Variants in RUFY3 observed in about 807,000 individuals in gnomAD.
RUFY3 encodes protein RUFY3.
Under a neutral mutation model 84.0 loss-of-function variants are expected in RUFY3, and 34 were observed. That is an observed-to-expected ratio of 0.40 (90% CI 0.31 to 0.54). The LOEUF is 0.54. Among genes scored for constraint, RUFY3 ranks in the 20% least tolerant of loss-of-function variants. The pLI, the probability that RUFY3 is intolerant of heterozygous loss-of-function variation, is 0.39. For synonymous variants in RUFY3, 242 were observed against 252.9 expected (o/e 0.96, Z 0.41); for missense variants, 507 against 736.8 (o/e 0.69, Z 3.61).
chr4:70,763,705 G>A, intron 3 of RUFY3, 36 bp downstream of exon 3: 3 of 1,594,308 alleles, frequency 1.9e-6, no homozygotes, highest in Non-Finnish European at 1.7e-6. Context: ...CTCAGGAACA[G>A]CATTCTTATT....
In RUFY3 at chr4:70,722,717, C is replaced by T. The variant is rs1169626094; in HGVS notation, c.144C>T (p.Ile48=). Residue 48 remains isoleucine (I), a synonymous_variant, in exon 1 of 18, where the codon ATC becomes ATT. Transcript: ENST00000381006. ...TCTGCCTGCGAGAGCTGGATGACAT[C>T]TCACTTACACCTGACCCAGAGCCTA... is the stretch of plus-strand genomic sequence containing the variant. ...EWLCLRELDD[I]SLTPDPEPTH... 6.2e-7 allele frequency: 1 copy of T among 1,614,008 alleles called. No homozygotes were observed.
At position 70,741,102 on chromosome 4, in the gene RUFY3, C is replaced by T. The variant is rs921728810; in HGVS notation, c.178+18351C>T. 1.0e-4 allele frequency among the ~76,000 whole-genome samples: 15 copies of T among 150,364 alleles called. 1 individual carries two copies. The highest frequency in any genetic ancestry group is 3.2e-4 in the African/African-American group (13 of 40,924). ...ATTTTGTGTATCTTCAAAGTAGCCT[C>T]CTTTATTTTTGTTTTGGGGAAGGAG... is the stretch of plus-strand genomic sequence containing the variant. On this transcript the variant is annotated intron_variant, in intron 1 of 17. Coordinates refer to ENST00000381006, the MANE Select transcript of RUFY3 (RefSeq NM_001037442.4).
chr4:70,743,488 T>C (rs564495294), intron 1 of RUFY3, among the ~76,000 whole-genome samples: 56 of 152,252 alleles, frequency 3.7e-4, no homozygotes, highest in African/African-American at 1.3e-3. Flanking sequence ...TCTTGAGAAC[T>C]TTACCATGAC....
In RUFY3 at chr4:70,783,162, C is replaced by T. The variant is rs750426144; in HGVS notation, c.966C>T (p.Tyr322=). 3 of 1,604,512 alleles carry T rather than the reference C, an allele frequency of 1.9e-6. No homozygotes were observed. The highest frequency in any genetic ancestry group is 1.3e-5 in the African/African-American group (1 of 74,836). The part of the protein sequence containing the change: ...EMERVKEESS[Y]ILESNRKGPK... ...AACGAGTTAAAGAGGAAAGTTCCTA[C>T]ATACTGGAATCCAATCGGAAGGTTA... Residue 322 remains tyrosine, a synonymous_variant, in exon 9 of 18, where the codon TAC becomes TAT. Coordinates refer to ENST00000381006, the MANE Select transcript of RUFY3 (RefSeq NM_001037442.4).
rs1326596138 is a variant in RUFY3 at position 70,743,069 on chromosome 4, TA to T, written c.179-19449del. Among the ~76,000 whole-genome samples the T allele has an allele frequency of 2.0e-5, 3 of 151,986 alleles. No homozygotes were observed. The East Asian group carries it at 5.8e-4, about 29-fold the overall frequency. On this transcript the variant is annotated intron_variant, in intron 1 of 17. Coordinates refer to ENST00000381006, the MANE Select transcript of RUFY3 (RefSeq NM_001037442.4). ...TTAGCTGCTATTATTATTATTATTA[TA>T]TTTATTTATTTATTTTGAAATGGAA...
At chr4:70,768,386 T>G in intron 4 of RUFY3, 152 bp from the exon 5 acceptor site, 3 of 676,698 alleles carry the variant, frequency 4.4e-6, no homozygotes, top group South Asian at 3.1e-5. Flanking sequence ...ACTAAAGCCT[T>G]TCTTTTTGTA....
intron 17 of RUFY3, 106 bp downstream of exon 17, chr4:70,804,522 A>G (rs1578272968): frequency 4.5e-6 from 4 of 885,912 alleles, no homozygotes; most frequent in East Asian, 2.6e-5. Context: ...TGCAGAGTGC[A>G]TGCAGAGTGC....
chr4:70,736,635 G>C (rs1391883583), intron 1 of RUFY3, among the ~76,000 whole-genome samples: 1 of 151,704 alleles, frequency 6.6e-6, no homozygotes, highest in Non-Finnish European at 1.5e-5. Flanking sequence ...GCAATGGCAT[G>C]GTCTCAGCTC....
intron 1 of RUFY3, among the ~76,000 whole-genome samples, chr4:70,734,997 G>T (rs1340099002): frequency 8.5e-5 from 13 of 152,114 alleles, no homozygotes; most frequent in Admixed American, 5.9e-4. Context: ...AGAGTCATTT[G>T]TCCTAAACTA....
At chr4:70,768,811 G>T in intron 5 of RUFY3, 150 bp downstream of exon 5, 1 of 792,274 alleles carries the variant, frequency 1.3e-6, no homozygotes, top group Non-Finnish European at 2.0e-6. Flanking sequence ...ATAAAAAAAA[G>T]ATTGTTTTTC....
At chr4:70,705,463 C>A (rs1300138916) in intron 1 of RUFY3, among the ~76,000 whole-genome samples, 2 of 152,136 alleles carry the variant, frequency 1.3e-5, no homozygotes, top group Non-Finnish European at 2.9e-5. Context: ...CCGAGGCGCC[C>A]GGTGAGGAGG....
intron 4 of RUFY3, among the ~76,000 whole-genome samples, chr4:70,768,208 A>G (rs1294573248): frequency 6.6e-6 from 1 of 152,230 alleles, no homozygotes; most frequent in Non-Finnish European, 1.5e-5. Flanking sequence ...CAAATATGTC[A>G]GAAAAGTCTG....
intron 1 of RUFY3, among the ~76,000 whole-genome samples, chr4:70,740,436 C>T (rs1331157108): frequency 1.3e-5 from 2 of 152,178 alleles, no homozygotes; most frequent in East Asian, 1.9e-4. Flanking sequence ...ATTCACTTTC[C>T]AGAGCCTTTT....
At chr4:70,759,105 T>C (rs1465335640) in intron 1 of RUFY3, among the ~76,000 whole-genome samples, 1 of 152,146 alleles carries the variant, frequency 6.6e-6, no homozygotes, top group Non-Finnish European at 1.5e-5. Flanking sequence ...CTTACTCATC[T>C]TATCTAGTTG....
upstream of RUFY3, chr4:70,704,270 C>CT: frequency 6.6e-6 from 1 of 152,366 alleles, no homozygotes; most frequent in Non-Finnish European, 1.5e-5. Context: ...AGACACCCAC[C>CT]TTTGGTTTCT....
chr4:70,790,651 C>T (rs1039564986), intron 12 of RUFY3, among the ~76,000 whole-genome samples: 18 of 152,222 alleles, frequency 1.2e-4, no homozygotes, highest in African/African-American at 4.3e-4. Flanking sequence ...TTCTCACTGT[C>T]TACTGTACCT....
At chr4:70,745,359 T>C (rs1722032111) in intron 1 of RUFY3, among the ~76,000 whole-genome samples, 1 of 152,262 alleles carries the variant, frequency 6.6e-6, no homozygotes, top group South Asian at 2.1e-4. Flanking sequence ...ACACCTATTA[T>C]ATTGCATCTC....
At chr4:70,732,334 G>T (rs1057134848) in intron 1 of RUFY3, among the ~76,000 whole-genome samples, 1 of 152,150 alleles carries the variant, frequency 6.6e-6, no homozygotes, top group Non-Finnish European at 1.5e-5. Context: ...AAGGCCCCAT[G>T]GTACTGTGTA....
At chr4:70,800,269 T>A in intron 15 of RUFY3, 64 bp downstream of exon 15, 6 of 1,158,946 alleles carry the variant, frequency 5.2e-6, no homozygotes, top group Non-Finnish European at 6.2e-6. Flanking sequence ...AAGGAGGGAG[T>A]TCTTTATATA....
Sources: allele counts gnomAD v4.1 joint callset (sites outside exome capture counted in the v4.1 genomes callset), GRCh38; gene constraint gnomAD v4.1.1; transcripts MANE v1.5; gene names NCBI Gene and HGNC (gene_info 2026-07-23, HGNC 2026-07-21).